ZNF469: variants seen among roughly 807,000 people sequenced by gnomAD.
ZNF469 encodes zinc finger protein 469.
Under a neutral mutation model 1.0 loss-of-function variants are expected in ZNF469, and 1 was observed. The ratio of observed to expected loss-of-function variants is 1.00; its 90% CI spans 0.35 to 4.73. The LOEUF is 4.73. Among genes scored for constraint, ZNF469 ranks in the 30% most tolerant of loss-of-function variants. The pLI is 0.16. For synonymous variants in ZNF469, 2,703 were observed against 2,363.4 expected (o/e 1.14, Z -4.17); for missense variants, 6,100 against 5,356.3 (o/e 1.14, Z -4.33).
the ZNF469 span, among the ~76,000 whole-genome samples, chr16:88,283,829 C>A: frequency 6.8e-6 from 1 of 147,690 alleles, no homozygotes; most frequent in Non-Finnish European, 1.5e-5. Context: ...GGCTGGTAGA[C>A]CCCCAGTGTG....
the ZNF469 span, among the ~76,000 whole-genome samples, chr16:88,304,416 G>A: frequency 6.6e-6 from 1 of 152,218 alleles, no homozygotes; most frequent in Admixed American, 6.5e-5. Flanking sequence ...GGCCAGGACA[G>A]AGGAATCTGC....
At chr16:88,420,939 G>A (rs1905437757) in intron 1 of ZNF469, among the ~76,000 whole-genome samples, 1 of 151,972 alleles carries the variant, frequency 6.6e-6, no homozygotes, top group South Asian at 2.1e-4. Context: ...GTGAGTGGGG[G>A]TCGGGAGGAA....
the ZNF469 span, among the ~76,000 whole-genome samples, chr16:88,304,006 T>C: frequency 6.6e-6 from 1 of 152,152 alleles, no homozygotes; most frequent in Non-Finnish European, 1.5e-5. Context: ...TGCTGAGAAG[T>C]GAGGCAGCTT....
chr16:88,164,240 T>C, the ZNF469 span, among the ~76,000 whole-genome samples: 3 of 144,148 alleles, frequency 2.1e-5, no homozygotes, highest in Admixed American at 6.7e-5. Context: ...GATAAGTGGA[T>C]GAATAGTTGG....
chr16:88,195,809 C>A, the ZNF469 span, among the ~76,000 whole-genome samples: 2 of 152,314 alleles, frequency 1.3e-5, no homozygotes, highest in South Asian at 4.1e-4. Context: ...GAGCTGTCTC[C>A]AGGGAAATCT....
the ZNF469 span, among the ~76,000 whole-genome samples, chr16:88,183,226 G>A: frequency 1.3e-5 from 2 of 152,198 alleles, no homozygotes; most frequent in Non-Finnish European, 2.9e-5. Flanking sequence ...TGGCGGGGGT[G>A]GAAAACGGGG....
At chr16:88,132,212 G>A in the ZNF469 span, among the ~76,000 whole-genome samples, 5,018 of 151,902 alleles carry the variant, frequency 0.033, no homozygotes, top group African/African-American at 0.11. Context: ...TACCCAGGAC[G>A]GGGAGGTTGC....
At chr16:88,372,538 A>G in the ZNF469 span, among the ~76,000 whole-genome samples, 705 of 150,846 alleles carry the variant, frequency 4.7e-3, 4 homozygotes, top group African/African-American at 0.016. Context: ...TATCACCACT[A>G]TCATCACCAT....
At chr16:88,243,597 A>T in the ZNF469 span, among the ~76,000 whole-genome samples, 1 of 152,006 alleles carries the variant, frequency 6.6e-6, no homozygotes, top group Non-Finnish European at 1.5e-5. Context: ...TGGTCCCTGC[A>T]TGTACGTTAG....
the ZNF469 span, among the ~76,000 whole-genome samples, chr16:88,216,493 C>CAAAA: frequency 7.3e-6 from 1 of 136,640 alleles, no homozygotes; most frequent in Non-Finnish European, 1.6e-5. Flanking sequence ...GACTCCGTCT[C>CAAAA]AAAAAAAAAA....
At chr16:88,310,457 C>T in the ZNF469 span, among the ~76,000 whole-genome samples, 122 of 152,288 alleles carry the variant, frequency 8.0e-4, no homozygotes, top group African/African-American at 2.8e-3. Flanking sequence ...CCCTTCTTCC[C>T]GGTGGAACCA....
rs139329995 is a variant in ZNF469 at position 88,440,085 on chromosome 16, C to T, written c.*753C>T. On this transcript the variant is annotated 3_prime_UTR_variant, in exon 3 of 3. Coordinates refer to ENST00000565624, the MANE Select transcript of ZNF469 (RefSeq NM_001367624.2). The stretch of plus-strand genomic sequence containing the variant: ...CCCTCCCAGCCTCCATGGCCGCCCT[C>T]TAGAGCCTCCCTGCTGTACGGAGCT... The T allele has an allele frequency of 6.5e-6, 1 of 154,002 alleles. No individual in the cohort carries two copies. Among genetic ancestry groups the T allele is most frequent in the Non-Finnish European group, 1.4e-5 (1 of 69,222 alleles). The allele number at this position is 154,002 out of a possible 1,614,324, so 9.5% of individuals were successfully genotyped here.
Position 88,437,378 on chromosome 16 carries a change from G to A in ZNF469, c.9908G>A (p.Gly3303Asp). The A allele has an allele frequency of 2.0e-6, 3 of 1,538,078 alleles. No homozygotes were observed. The highest frequency in any genetic ancestry group is 1.2e-5 in the South Asian group (1 of 82,960). Reference sequence around the variant, plus strand: ...GCCCTGGCTGACGCCGGCAGCCCGGGCCCCCCCAGGACGACCCCCAGCCCG... The same window carrying A: ...GCCCTGGCTGACGCCGGCAGCCCGGACCCCCCCAGGACGACCCCCAGCCCG... Reference protein sequence around the residue: ...ATALADAGSPGPPRTTPSPSP... With the variant: ...ATALADAGSPDPPRTTPSPSP... Residue 3303 changes from glycine (G) to aspartate (D), a missense_variant, in exon 3 of 3, where the codon GGC (glycine) becomes GAC (aspartate). Gly to Asp is a moderately conservative substitution (Grantham distance 94, BLOSUM62 -1). Coordinates refer to ENST00000565624, the MANE Select transcript of ZNF469 (RefSeq NM_001367624.2).
At chr16:88,312,047 C>T in the ZNF469 span, among the ~76,000 whole-genome samples, 1 of 152,148 alleles carries the variant, frequency 6.6e-6, no homozygotes, top group African/African-American at 2.4e-5. Flanking sequence ...AAAGGAAGAG[C>T]AAAGGCACAT....
chr16:88,435,681 T>C lies in ZNF469; in HGVS notation c.8211T>C (p.Gly2737=). The change falls in exon 3 of 3, where the codon GGT becomes GGC. Residue 2737 remains glycine (G), a synonymous_variant. Transcript: ENST00000565624. The part of the protein sequence containing the change: ...DRMLCPGRMD[G]AALGEQPTGQ... ...TGCTGTGTCCAGGGAGGATGGATGG[T>C]GCAGCTCTGGGGGAACAGCCAACTG... is the stretch of plus-strand genomic sequence containing the variant. 5.2e-6 allele frequency: 8 copies of C among 1,550,416 alleles called. No individual in the cohort carries two copies. Among genetic ancestry groups the C allele is most frequent in the Non-Finnish European group, 7.0e-6 (8 of 1,146,968 alleles).
chr16:88,165,486 G>A, the ZNF469 span, among the ~76,000 whole-genome samples: 3 of 152,308 alleles, frequency 2.0e-5, no homozygotes, highest in Admixed American at 6.5e-5. Flanking sequence ...GGGCTCTGCT[G>A]TCTGAGGCCT....
chr16:88,118,355 G>A, the ZNF469 span, among the ~76,000 whole-genome samples: 17 of 152,158 alleles, frequency 1.1e-4, no homozygotes, highest in South Asian at 2.7e-3. Flanking sequence ...GTTTTTTCAC[G>A]GGCTCTCCAT....
chr16:88,401,719 ATGGG>A (rs1904873629), intron 1 of ZNF469, among the ~76,000 whole-genome samples: 1 of 27,156 alleles, frequency 3.7e-5, no homozygotes, highest in Non-Finnish European at 8.0e-5. Flanking sequence ...GGGTAGATGG[ATGGG>A]TGGATGGGTG....
chr16:88,404,447 C>T (rs1046390215), intron 1 of ZNF469, among the ~76,000 whole-genome samples: 10 of 152,186 alleles, frequency 6.6e-5, no homozygotes, highest in African/African-American at 2.2e-4. Context: ...GGAGTTGGTT[C>T]GAGGTTGTCC....
Sources: gnomAD v4.1 joint callset for allele counts (sites outside exome capture counted in the v4.1 genomes callset) on GRCh38, gnomAD v4.1.1 for gene constraint, MANE v1.5 for transcripts, NCBI Gene and HGNC (gene_info 2026-07-23, HGNC 2026-07-21) for gene names.